SHPRH: variants seen among roughly 807,000 people sequenced by gnomAD.
The protein encoded by SHPRH is SNF2 histone linker PHD RING helicase.
In SHPRH, 106 loss-of-function variants were observed where a neutral mutation model predicts 202.5. That is an observed-to-expected ratio of 0.52 (90% confidence interval 0.45 to 0.62). SHPRH has a LOEUF of 0.62. Ranked by LOEUF, SHPRH falls within the 20% of genes least tolerant of loss-of-function variation. The pLI, the probability that SHPRH is intolerant of heterozygous loss-of-function variation, is 0.00. For missense variants in SHPRH, 1,710 were observed against 2,020.0 expected, an observed-to-expected ratio of 0.85 and a Z score of 2.94; for synonymous variants, 729 against 686.0, an observed-to-expected ratio of 1.06 and a Z score of -0.98.
chr6:145,935,494 G>T (rs1359059347), intron 11 of SHPRH, 53 bp from the exon 12 acceptor site: 3 of 1,567,434 alleles, frequency 1.9e-6, no homozygotes, highest in Admixed American at 1.8e-5. Flanking sequence ...TTCATTACTA[G>T]TTTGCAGAAG....
At chr6:145,932,960 A>C in intron 14 of SHPRH, 97 bp downstream of exon 14, 13 of 1,303,488 alleles carry the variant, frequency 1.0e-5, no homozygotes, top group Non-Finnish European at 1.3e-5. Context: ...TTTTGGGGGA[A>C]AAATCCCCCC....
intron 1 of SHPRH, among the ~76,000 whole-genome samples, chr6:145,959,370 C>A (rs545315746): frequency 6.6e-6 from 1 of 152,056 alleles, no homozygotes; most frequent in African/African-American, 2.4e-5. Context: ...TTTAAATATA[C>A]AAATACTACG....
chr6:145,912,099 A>T (rs1046878136), intron 24 of SHPRH, among the ~76,000 whole-genome samples: 3 of 147,370 alleles, frequency 2.0e-5, no homozygotes, highest in African/African-American at 8.1e-5. Flanking sequence ...AAGCAACGAG[A>T]TACCTGGCAC....
rs759679461 is a variant in SHPRH, at chr6:145,935,094, G to T, written c.2803C>A (p.His935Asn). 3.7e-6 allele frequency: 6 copies of T among 1,613,466 alleles called. No individual in the cohort carries two copies. Among genetic ancestry groups the T allele is most frequent in the African/African-American group, 1.3e-5 (1 of 74,730 alleles). Reference protein sequence around the residue: ...HFSPVERHFYHRQHEVCCQDV... With the variant: ...HFSPVERHFYNRQHEVCCQDV... The stretch of plus-strand genomic sequence containing the variant: ...TGGCAGCACACCTCATGCTGACGGT[G>T]ATAGAAATGCCTTTCCACTGGAGAA... Residue 935 changes from histidine (H) to asparagine (N), a missense_variant, in exon 13 of 30, where the codon CAC becomes AAC. Transcript: ENST00000275233.
intron 24 of SHPRH, among the ~76,000 whole-genome samples, chr6:145,911,415 G>A (rs1018043461): frequency 7.2e-5 from 11 of 151,970 alleles, no homozygotes; most frequent in Non-Finnish European, 1.5e-4. Flanking sequence ...GAGCCACCGC[G>A]CCCAGCCAAA....
chr6:145,945,281 A>G, intron 8 of SHPRH, 100 bp downstream of exon 8: 3 of 1,352,516 alleles, frequency 2.2e-6, no homozygotes, highest in African/African-American at 1.5e-5. Context: ...TTTTATCTTC[A>G]GATCGTAAGA....
Position 145,894,908 on chromosome 6 carries a change from C to T in SHPRH, c.4585G>A (p.Ala1529Thr). Residue 1529 changes from alanine to threonine, a missense_variant, in exon 26 of 30, where the codon GCC becomes ACC. Ala to Thr is a moderately conservative substitution (Grantham distance 58). This residue lies in a region of SHPRH where 306 missense variants were observed against 479.5 expected (regional missense o/e 0.64). Transcript: ENST00000275233. ...LMKIQLRDPG[A>T]KALVFSTWQD... ...ACCGTTGAGAAAACGAGTGCTTTGG[C>T]CCCTGGATCTCTAAGCTGTATTTTC... 1 of 1,612,782 alleles carries T rather than the reference C, an allele frequency of 6.2e-7. No individual in the cohort carries two copies. Among genetic ancestry groups the T allele is most frequent in the African/African-American group, 1.3e-5 (1 of 74,940 alleles).
At chr6:145,874,209 AAATAATAATAAT>A (rs58669613) in intron 2 of SHPRH, among the ~76,000 whole-genome samples, 1 of 147,862 alleles carries the variant, frequency 6.8e-6, no homozygotes, top group Admixed American at 6.8e-5. Context: ...AAAAATAATA[AAATAATAATAAT>A]AATAATAATA....
chr6:145,882,403 A>G (rs1583280282), downstream of SHPRH, among the ~76,000 whole-genome samples: 1 of 152,226 alleles, frequency 6.6e-6, no homozygotes, highest in South Asian at 2.1e-4. Context: ...TAACATGATT[A>G]TAATTACGGA....
At chr6:145,962,826 A>C (rs1789233298) in intron 1 of SHPRH, among the ~76,000 whole-genome samples, 1 of 152,194 alleles carries the variant, frequency 6.6e-6, no homozygotes, top group South Asian at 2.1e-4. Context: ...GGGTTAACAT[A>C]ATCTTTTCCT....
rs1344782487 is a variant in SHPRH, at chr6:145,918,250, A to T, written c.4153-18T>A. 2 of 1,470,920 alleles carry T rather than the reference A, an allele frequency of 1.4e-6. No homozygotes were observed. The highest frequency in any genetic ancestry group is 4.7e-5 in the Admixed American group (2 of 42,246). The allele number at this position is 1,470,920 out of a possible 1,614,324, so 91.1% of individuals were successfully genotyped here. A position where few individuals can be genotyped will look rare whatever the true frequency, so the allele number is the denominator to read the frequency against. ...TGTTCTACCTAAAGAAAATAAAAAT[A>T]AAAACTTCTTTATTCTTTCAGAAAG... On this transcript the variant is annotated intron_variant, in intron 22 of 29. Coordinates refer to ENST00000275233, the MANE Select transcript of SHPRH (RefSeq NM_001042683.3).
intron 22 of SHPRH, chr6:145,919,020 G>A (rs1014856406): frequency 5.5e-6 from 1 of 180,206 alleles, no homozygotes; most frequent in Non-Finnish European, 1.1e-5. Flanking sequence ...TAAAACTGAG[G>A]TGACAAAAAT....
At chr6:145,952,075 C>T (rs1169206376) in intron 3 of SHPRH, among the ~76,000 whole-genome samples, 2 of 152,088 alleles carry the variant, frequency 1.3e-5, no homozygotes, top group Admixed American at 1.3e-4. Flanking sequence ...GCAAAAATCC[C>T]AACCAGCTCA....
At chr6:145,919,252 T>C (rs1337601044) in intron 22 of SHPRH, 96 bp downstream of exon 22, 5 of 1,496,698 alleles carry the variant, frequency 3.3e-6, no homozygotes, top group South Asian at 2.5e-5. Flanking sequence ...ACACTTACAG[T>C]AGAGCTCAGT....
intron 28 of SHPRH, among the ~76,000 whole-genome samples, chr6:145,889,054 AT>A (rs1429380716): frequency 6.6e-6 from 1 of 152,148 alleles, no homozygotes; most frequent in Non-Finnish European, 1.5e-5. Context: ...TCAGATACCT[AT>A]TAGACAGGTA....
chr6:145,928,817 G>A (rs1488912093), intron 14 of SHPRH, among the ~76,000 whole-genome samples: 1 of 151,880 alleles, frequency 6.6e-6, no homozygotes, highest in African/African-American at 2.4e-5. Context: ...TCAAAGAACT[G>A]TAGTCAGCCA....
chr6:145,918,070 T>A (rs1170947885), intron 23 of SHPRH, 61 bp downstream of exon 23: 1 of 1,247,786 alleles, frequency 8.0e-7, no homozygotes, highest in Admixed American at 2.2e-5. Context: ...ATGAAAGGAG[T>A]CACTAAAGTG....
chr6:145,949,669 C>A (rs766896860), intron 4 of SHPRH, among the ~76,000 whole-genome samples: 1 of 151,972 alleles, frequency 6.6e-6, no homozygotes, highest in African/African-American at 2.4e-5. Flanking sequence ...CAGACTTCAC[C>A]ACTATGCAAT....
At chr6:145,898,356 A>G (rs1018967682) in intron 25 of SHPRH, among the ~76,000 whole-genome samples, 29 of 152,190 alleles carry the variant, frequency 1.9e-4, no homozygotes, top group Non-Finnish European at 8.8e-5. Flanking sequence ...ATGGAAAGAC[A>G]TATGTTCATG....
Sources: gnomAD v4.1 joint callset for allele counts (sites outside exome capture counted in the v4.1 genomes callset) on GRCh38, gnomAD v4.1.1 for gene constraint, gnomAD v4.1.1 regional missense constraint, MANE v1.5 for transcripts, NCBI Gene and HGNC (gene_info 2026-07-23, HGNC 2026-07-21) for gene names.